ADH1B: variants seen among roughly 807,000 people sequenced by gnomAD.
The protein encoded by ADH1B is alcohol dehydrogenase 1B (class I), beta polypeptide, also known as all-trans-retinol dehydrogenase [NAD(+)] ADH1B.
A neutral mutation model predicts 34.6 loss-of-function variants in ADH1B; 29 were observed. The ratio of observed to expected loss-of-function variants is 0.84; its 90% CI spans 0.62 to 1.14. The LOEUF (loss-of-function observed/expected upper bound fraction) is 1.14, where lower values mean the gene tolerates loss of function less well. Among genes scored for constraint, ADH1B ranks in the 50% most tolerant of loss-of-function variants. The pLI, the probability that ADH1B is intolerant of heterozygous loss-of-function variation, is 0.00. For missense variants in ADH1B, 424 were observed against 468.4 expected, an observed-to-expected ratio of 0.91 and a Z score of 0.87; for synonymous variants, 170 against 175.5, an observed-to-expected ratio of 0.97 and a Z score of 0.25.
At chr4:99,316,369 G>T (rs1733887387) in intron 3 of ADH1B, 67 bp from the exon 4 acceptor site, 2 of 1,461,358 alleles carry the variant, frequency 1.4e-6, no homozygotes, top group Non-Finnish European at 1.9e-6. Flanking sequence ...AAGACTTAAA[G>T]CTCACATGTA....
chr4:99,317,993 T>C, intron 3 of ADH1B, 53 bp downstream of exon 3: 4 of 1,602,728 alleles, frequency 2.5e-6, no homozygotes, highest in Non-Finnish European at 3.4e-6. Context: ...TTATCCAGGC[T>C]GGGAAATCCT....
chr4:99,310,226 C>T (rs1364239675), intron 8 of ADH1B: 1 of 270,552 alleles, frequency 3.7e-6, no homozygotes, highest in Non-Finnish European at 7.2e-6. Context: ...TTTATGATAA[C>T]TTTCAGTGGT....
chr4:99,315,672 A>G, intron 5 of ADH1B: 1 of 610,766 alleles, frequency 1.6e-6, no homozygotes, highest in Middle Eastern at 4.3e-4. Context: ...GCAAATTCAG[A>G]AGAAAAATTA....
chr4:99,318,900 CAG>C lies in ADH1B; in HGVS notation c.19-16_19-15del. ...GCATTTGATTACCTAGAAAATCAAA[CAG>C]AGAGATGGTGACAGTGTTTTCCCAC... is the stretch of plus-strand genomic sequence containing the variant. On this transcript the variant is annotated splice_polypyrimidine_tract_variant and intron_variant, in intron 1 of 8. Transcript: ENST00000305046. The C allele has an allele frequency of 6.2e-7, 1 of 1,608,502 alleles. No homozygotes were observed. The highest frequency in any genetic ancestry group is 8.5e-7 in the Non-Finnish European group (1 of 1,174,978).
chr4:99,318,141 C>G lies in ADH1B; in HGVS notation c.164G>C (p.Ser55Thr), dbSNP rs1560529788. ...AGGAAGGGGGGTCACCAGGTTGCCA[C>G]TAACCACGTGGTCATCTGTGTGACA... The part of the protein sequence containing the change: ...GICHTDDHVV[S>T]GNLVTPLPVI... Residue 55 changes from serine (S) to threonine (T), a missense_variant, in exon 3 of 9, where the codon AGT (serine) becomes ACT (threonine). By Grantham distance (58) the Ser-to-Thr change is moderately conservative (BLOSUM62 1). Coordinates refer to ENST00000305046, the MANE Select transcript of ADH1B (RefSeq NM_000668.6). 1.2e-6 allele frequency: 2 copies of G among 1,614,142 alleles called. No homozygotes were observed. Among genetic ancestry groups the G allele is most frequent in the Non-Finnish European group, 1.7e-6 (2 of 1,180,008 alleles).
intron 6 of ADH1B, among the ~76,000 whole-genome samples, chr4:99,312,621 T>C (rs1319779505): frequency 2.0e-5 from 3 of 152,200 alleles, no homozygotes; most frequent in Non-Finnish European, 4.4e-5. Context: ...TGTAACTGTT[T>C]GGAAGAAATA....
intron 7 of ADH1B, among the ~76,000 whole-genome samples, chr4:99,311,236 T>C (rs1025438913): frequency 1.3e-5 from 2 of 152,154 alleles, no homozygotes; most frequent in African/African-American, 4.8e-5. Context: ...CTACTAAAAA[T>C]TTCCATGCCT....
At chr4:99,319,088 A>G in intron 1 of ADH1B, 1 of 701,698 alleles carries the variant, frequency 1.4e-6, no homozygotes, top group Non-Finnish European at 2.6e-6. Flanking sequence ...TAAACAAAGT[A>G]TAATAAGACA....
At chr4:99,308,806 C>T (rs1297307589) in intron 8 of ADH1B, among the ~76,000 whole-genome samples, 2 of 151,938 alleles carry the variant, frequency 1.3e-5, no homozygotes, top group Admixed American at 6.6e-5. Flanking sequence ...TAATCATTCT[C>T]AATGTTTTCT....
intron 5 of ADH1B, 113 bp from the exon 6 acceptor site, chr4:99,314,194 C>A (rs1733824103): frequency 1.3e-6 from 2 of 1,495,408 alleles, no homozygotes; most frequent in African/African-American, 1.4e-5. Context: ...ACTCTTTTGT[C>A]CAACCGTTTA....
At chr4:99,319,259 C>T in intron 1 of ADH1B, 1 of 328,528 alleles carries the variant, frequency 3.0e-6, no homozygotes, top group Non-Finnish European at 5.8e-6. Context: ...ATTTTGCTGA[C>T]AGAGTCAGTG....
chr4:99,316,814 T>A (rs1236427284), intron 3 of ADH1B: 5 of 151,816 alleles, frequency 3.3e-5, no homozygotes, highest in African/African-American at 1.2e-4. Flanking sequence ...TATCTTTTTT[T>A]ATGAAATGAA....
In ADH1B at chr4:99,318,050, T is replaced by C; in HGVS notation, c.255A>G (p.Lys85=). The part of the protein sequence containing the change: ...ESVGEGVTTV[K]PGDKVIPLFT... ...CCCTGAGTGTGAATCCTGTACCTGG[T>C]TTGACTGTAGTCACCCCTTCTCCAA... The change falls in exon 3 of 9, where the codon AAA becomes AAG. Residue 85 remains lysine, a synonymous_variant. Coordinates refer to ENST00000305046, the MANE Select transcript of ADH1B (RefSeq NM_000668.6). 6.2e-7 allele frequency: 1 copy of C among 1,613,990 alleles called. No homozygotes were observed. The highest frequency in any genetic ancestry group is 8.5e-7 in the Non-Finnish European group (1 of 1,179,950).
At chr4:99,321,257 C>T in intron 1 of ADH1B, 57 bp downstream of exon 1, 1 of 1,443,100 alleles carries the variant, frequency 6.9e-7, no homozygotes, top group South Asian at 1.2e-5. Flanking sequence ...TACTGTATTC[C>T]TTTCTTTGTT....
chr4:99,305,432 A>G lies in ADH1B; in HGVS notation c.*2408T>C, dbSNP rs1733580992. 1 of 147,534 alleles carries G rather than the reference A, an allele frequency of 6.8e-6. No individual in the cohort carries two copies. Among genetic ancestry groups the G allele is most frequent in the Non-Finnish European group, 1.5e-5 (1 of 67,064 alleles). 9.1% of individuals were successfully genotyped at this position (147,534 alleles called of 1,614,324 possible). A position where few individuals can be genotyped will look rare whatever the true frequency, so the allele number is the denominator to read the frequency against. On this transcript the variant is annotated 3_prime_UTR_variant, in exon 9 of 9. Transcript: ENST00000305046. The stretch of plus-strand genomic sequence containing the variant: ...TCTGTCACTCTCATAATCCTGTTTC[A>G]GCACCTATGAAGGCACTTCTGTGGA...
chr4:99,305,570 T>TGC lies in ADH1B; in HGVS notation c.*2269_*2270insGC, dbSNP rs1420235556. ...CCACTTGCCCCATAGTGTATATATATATATATATATATATATATATATATA... is the reference window on the plus strand; with the variant it reads ...CCACTTGCCCCATAGTGTATATATATGCATATATATATATATATATATATATA... On this transcript the variant is annotated 3_prime_UTR_variant, in exon 9 of 9. Coordinates refer to ENST00000305046, the MANE Select transcript of ADH1B (RefSeq NM_000668.6). 8.4e-5 allele frequency: 3 copies of TGC among 35,580 alleles called. No homozygotes were observed. The highest frequency in any genetic ancestry group is 2.8e-4 in the African/African-American group (3 of 10,740). The allele number at this position is 35,580 out of a possible 1,614,324, so 2.2% of individuals were successfully genotyped here. A position where few individuals can be genotyped will look rare whatever the true frequency, so the allele number is the denominator to read the frequency against.
At chr4:99,318,742 T>G (rs1211236391) in intron 2 of ADH1B, 43 bp downstream of exon 2, 9 of 1,562,632 alleles carry the variant, frequency 5.8e-6, no homozygotes, top group African/African-American at 4.1e-5. Flanking sequence ...GTTCTCTGAG[T>G]TTTTTAAATG....
Position 99,321,294 on chromosome 4 carries a change from G to A in ADH1B, c.18+20C>T, listed in dbSNP as rs1215232703. 6.2e-7 allele frequency: 1 copy of A among 1,600,544 alleles called. No homozygotes were observed. The highest frequency in any genetic ancestry group is 1.7e-5 in the Admixed American group (1 of 59,858). On this transcript the variant is annotated intron_variant, in intron 1 of 8. Transcript: ENST00000305046. ...TATTGATGAGAATATATTACCAACA[G>A]TAATATATTTTTTGCTTACTTTTCC...
At chr4:99,311,691 G>T in intron 6 of ADH1B, 35 bp from the exon 7 acceptor site, 1 of 1,610,394 alleles carries the variant, frequency 6.2e-7, no homozygotes, top group South Asian at 1.1e-5. Flanking sequence ...TCCTTAACGT[G>T]GAGTCGCATA....
Sources: gnomAD v4.1 joint callset for allele counts (sites outside exome capture counted in the v4.1 genomes callset) on GRCh38, gnomAD v4.1.1 for gene constraint, MANE v1.5 for transcripts, NCBI Gene and HGNC (gene_info 2026-07-23, HGNC 2026-07-21) for gene names.